The following ZNF804B variants were observed in gnomAD, a reference collection of about 807,000 sequenced individuals.
ZNF804B encodes zinc finger 804B.
Under a neutral mutation model 101.4 loss-of-function variants are expected in ZNF804B, and 80 were observed. The observed-to-expected ratio is 0.79, with a 90% CI of 0.66 to 0.95. The LOEUF (loss-of-function observed/expected upper bound fraction) is 0.95. ZNF804B is among the 40% of genes least tolerant of loss of function. The pLI is 0.00. For missense variants in ZNF804B, 1,673 were observed against 1,561.9 expected (o/e 1.07, Z -1.20); for synonymous variants, 622 against 558.8 (o/e 1.11, Z -1.59).
chr7:88,816,167 A>T (rs1040770234), intron 1 of ZNF804B, among the ~76,000 whole-genome samples: 12 of 152,090 alleles, frequency 7.9e-5, no homozygotes, highest in Admixed American at 5.9e-4. Context: ...GCCAAGCTGC[A>T]CTCACATGCA....
chr7:89,332,850 C>T (rs188165849), intron 3 of ZNF804B, among the ~76,000 whole-genome samples: 6 of 151,910 alleles, frequency 3.9e-5, no homozygotes, highest in African/African-American at 1.4e-4. Context: ...AAAGAAAGAA[C>T]TTACCACTGT....
intron 1 of ZNF804B, among the ~76,000 whole-genome samples, chr7:89,155,880 C>T (rs1391587113): frequency 1.3e-5 from 2 of 151,394 alleles, no homozygotes; most frequent in African/African-American, 4.9e-5. Flanking sequence ...TTTCTTCCTC[C>T]TTCCTTCTCT....
chr7:89,120,279 A>G (rs1212746536), intron 1 of ZNF804B, among the ~76,000 whole-genome samples: 1 of 145,822 alleles, frequency 6.9e-6, no homozygotes, highest in African/African-American at 2.5e-5. Flanking sequence ...CCGAGCAAGA[A>G]CTCCATCTAA....
At chr7:88,870,152 C>T (rs887586839) in intron 1 of ZNF804B, among the ~76,000 whole-genome samples, 12 of 150,658 alleles carry the variant, frequency 8.0e-5, no homozygotes, top group East Asian at 2.0e-4. Flanking sequence ...TTTGGGAGGC[C>T]GAGACGGGCG....
intron 1 of ZNF804B, among the ~76,000 whole-genome samples, chr7:89,196,929 C>T (rs1431095714): frequency 2.6e-5 from 4 of 152,146 alleles, no homozygotes; most frequent in Non-Finnish European, 5.9e-5. Flanking sequence ...GAGCATCTCA[C>T]GCCAATCAGA....
chr7:89,155,606 A>G (rs972645504), intron 1 of ZNF804B, among the ~76,000 whole-genome samples: 2 of 152,092 alleles, frequency 1.3e-5, no homozygotes, highest in African/African-American at 4.8e-5. Flanking sequence ...TCAGGTATGT[A>G]TCATGGCAAA....
intron 1 of ZNF804B, among the ~76,000 whole-genome samples, chr7:89,134,579 G>A (rs991575148): frequency 1.3e-5 from 2 of 152,018 alleles, no homozygotes; most frequent in African/African-American, 4.8e-5. Context: ...AGGGTTTGAT[G>A]TTGCTGCTTC....
At chr7:89,212,400 A>T (rs1023564) in intron 1 of ZNF804B, among the ~76,000 whole-genome samples, 12 of 151,890 alleles carry the variant, frequency 7.9e-5, no homozygotes, top group African/African-American at 2.7e-4. Flanking sequence ...CAAATTAACA[A>T]GATAAGAAAC....
chr7:88,942,434 T>C lies in ZNF804B; in HGVS notation c.108+182350T>C, dbSNP rs532745160. On this transcript the variant is annotated intron_variant, in intron 1 of 3. Transcript: ENST00000333190. Reference sequence around the variant, plus strand: ...GTATAAATGAGGAGAGTGAATGAAATAGAGATTGAAGTAGAGTGGAATAGA... The same window carrying C: ...GTATAAATGAGGAGAGTGAATGAAACAGAGATTGAAGTAGAGTGGAATAGA... Among the ~76,000 whole-genome samples, 35 of 151,730 alleles carry C rather than the reference T, an allele frequency of 2.3e-4. No homozygotes were observed. In the South Asian group the frequency reaches 7.3e-3, roughly 31 times the overall value.
intron 1 of ZNF804B, among the ~76,000 whole-genome samples, chr7:89,014,237 G>A (rs1004021175): frequency 3.9e-5 from 6 of 151,970 alleles, no homozygotes; most frequent in African/African-American, 1.5e-4. Flanking sequence ...TTTGATAATA[G>A]CCATTCTAAC....
chr7:89,232,591 C>T (rs1789208837), intron 2 of ZNF804B, among the ~76,000 whole-genome samples: 1 of 152,056 alleles, frequency 6.6e-6, no homozygotes, highest in Non-Finnish European at 1.5e-5. Context: ...TTCTTCTTGG[C>T]TCGATTTTGG....
At chr7:89,191,448 G>C (rs532782344) in intron 1 of ZNF804B, among the ~76,000 whole-genome samples, 55 of 152,154 alleles carry the variant, frequency 3.6e-4, no homozygotes, top group Admixed American at 1.6e-3. Context: ...ATTGCCATCT[G>C]AATGCTTTTA....
intron 1 of ZNF804B, among the ~76,000 whole-genome samples, chr7:89,155,065 T>C (rs141197665): frequency 0.013 from 1,933 of 152,248 alleles, 42 homozygotes; most frequent in African/African-American, 0.044. Flanking sequence ...AAATATTCTA[T>C]TTAAAAAATC....
chr7:88,844,856 T>C (rs1456569432), intron 1 of ZNF804B, among the ~76,000 whole-genome samples: 2 of 152,240 alleles, frequency 1.3e-5, no homozygotes, highest in African/African-American at 4.8e-5. Context: ...ATAGGATATA[T>C]GGGGAGTTAA....
At chr7:89,220,018 T>TGC (rs1788968207) in intron 2 of ZNF804B, among the ~76,000 whole-genome samples, 9 of 40,774 alleles carry the variant, frequency 2.2e-4, no homozygotes. Context: ...TATATGTGTG[T>TGC]ATACATATAT....
chr7:89,063,879 G>A (rs375179946), intron 1 of ZNF804B, among the ~76,000 whole-genome samples: 3 of 152,158 alleles, frequency 2.0e-5, no homozygotes, highest in African/African-American at 7.2e-5. Context: ...GTTACAGCCA[G>A]TGGAGAAATC....
intron 1 of ZNF804B, among the ~76,000 whole-genome samples, chr7:88,843,347 A>G (rs1791315036): frequency 6.6e-6 from 1 of 152,186 alleles, no homozygotes; most frequent in Non-Finnish European, 1.5e-5. Flanking sequence ...AAGTAAGTAG[A>G]TCTATGGGCA....
chr7:89,161,635 C>T (rs894989871), intron 1 of ZNF804B, among the ~76,000 whole-genome samples: 2 of 97,364 alleles, frequency 2.1e-5, no homozygotes, highest in African/African-American at 6.5e-5. Flanking sequence ...GCGATCCTCC[C>T]ACCTTAGCCT....
At chr7:88,909,933 TA>T (rs1792524625) in intron 1 of ZNF804B, among the ~76,000 whole-genome samples, 1 of 151,898 alleles carries the variant, frequency 6.6e-6, no homozygotes, top group African/African-American at 2.4e-5. Flanking sequence ...TTTTGGTAAA[TA>T]ATAGCCTCTT....
Sources: gnomAD v4.1 joint callset for allele counts (sites outside exome capture counted in the v4.1 genomes callset) on GRCh38, gnomAD v4.1.1 for gene constraint, MANE v1.5 for transcripts, NCBI Gene and HGNC (gene_info 2026-07-23, HGNC 2026-07-21) for gene names.